The following RPGRIP1L variants were observed in gnomAD, a reference collection of about 807,000 sequenced individuals.
The protein encoded by RPGRIP1L is RPGRIP1 like.
In RPGRIP1L, 131 loss-of-function variants were observed where a neutral mutation model predicts 160.4. The ratio of observed to expected loss-of-function variants is 0.82; its 90% CI spans 0.71 to 0.94. The LOEUF is 0.94. Among genes scored for constraint, RPGRIP1L ranks in the 40% least tolerant of loss-of-function variants. RPGRIP1L has a pLI of 0.00. For synonymous variants in RPGRIP1L, 510 were observed against 515.8 expected (o/e 0.99, Z 0.15); for missense variants, 1,522 against 1,535.8 (o/e 0.99, Z 0.15).
At chr16:53,648,754 C>T (rs867849324) in intron 16 of RPGRIP1L, among the ~76,000 whole-genome samples, 1 of 151,642 alleles carries the variant, frequency 6.6e-6, no homozygotes, top group African/African-American at 2.4e-5. Context: ...TTATGCAAGA[C>T]GTTACAATTA....
At chr16:53,684,198 A>T (rs1969819461) in intron 6 of RPGRIP1L, among the ~76,000 whole-genome samples, 1 of 152,194 alleles carries the variant, frequency 6.6e-6, no homozygotes, top group South Asian at 2.1e-4. Flanking sequence ...TTCCTCAGGG[A>T]TCTAGAACTA....
chr16:53,655,304 A>G (rs1218640157), intron 14 of RPGRIP1L, among the ~76,000 whole-genome samples: 2 of 152,218 alleles, frequency 1.3e-5, no homozygotes, highest in African/African-American at 4.8e-5. Context: ...TTAACACGCA[A>G]TAAGTTTATT....
chr16:53,610,138 CCAGT>C (rs1221567018), intron 25 of RPGRIP1L, among the ~76,000 whole-genome samples: 1 of 152,018 alleles, frequency 6.6e-6, no homozygotes, highest in African/African-American at 2.4e-5. Context: ...ACTGGAGAAA[CCAGT>C]TTGCGGTTAA....
At chr16:53,675,187 T>A (rs1969062222) in intron 6 of RPGRIP1L, 65 bp from the exon 7 acceptor site, 1 of 1,012,250 alleles carries the variant, frequency 9.9e-7, no homozygotes, top group African/African-American at 1.6e-5. Flanking sequence ...AGAAAATCTA[T>A]GGTGGAATCA....
At chr16:53,646,377 A>G (rs1005331276) in intron 16 of RPGRIP1L, among the ~76,000 whole-genome samples, 8 of 152,208 alleles carry the variant, frequency 5.3e-5, no homozygotes, top group Non-Finnish European at 1.2e-4. Flanking sequence ...GCCCACCCAG[A>G]GTAATGATTC....
chr16:53,675,195 T>A, intron 6 of RPGRIP1L, 73 bp from the exon 7 acceptor site: 1 of 901,728 alleles, frequency 1.1e-6, no homozygotes, highest in Non-Finnish European at 1.8e-6. Flanking sequence ...TATGGTGGAA[T>A]CACAATTTTT....
chr16:53,700,321 T>C (rs925135614), intron 2 of RPGRIP1L, among the ~76,000 whole-genome samples: 3 of 152,250 alleles, frequency 2.0e-5, no homozygotes, highest in Non-Finnish European at 4.4e-5. Flanking sequence ...CTGAATGTAA[T>C]TTAAACCAGG....
At chr16:53,677,209 C>G (rs922848059) in intron 6 of RPGRIP1L, among the ~76,000 whole-genome samples, 1 of 152,212 alleles carries the variant, frequency 6.6e-6, no homozygotes, top group South Asian at 2.1e-4. Flanking sequence ...GCATTTTAAA[C>G]TGGTAATGGC....
chr16:53,700,661 G>C lies in RPGRIP1L; in HGVS notation c.63C>G (p.Leu21=), dbSNP rs200723710. The C allele has an allele frequency of 1.2e-6, 2 of 1,613,306 alleles. No homozygotes were observed. The highest frequency in any genetic ancestry group is 2.2e-5 in the East Asian group (1 of 44,872). The stretch of plus-strand genomic sequence containing the variant: ...TACCTTGTAACCCTCCCATTCCAAA[G>C]AGGTTTAGACCTGTATCTTTCACAG... The part of the protein sequence containing the change: ...DLPVKDTGLN[L]FGMGGLQETS... The change falls in exon 2 of 27, where the codon CTC becomes CTG. Residue 21 remains leucine, a synonymous_variant. Coordinates refer to ENST00000647211, the MANE Select transcript of RPGRIP1L (RefSeq NM_015272.5).
intron 6 of RPGRIP1L, among the ~76,000 whole-genome samples, chr16:53,685,163 A>C (rs1969911627): frequency 6.6e-6 from 1 of 152,208 alleles, no homozygotes; most frequent in Non-Finnish European, 1.5e-5. Flanking sequence ...AACCACAATG[A>C]GATACCATCT....
chr16:53,667,017 C>T (rs1454487568), intron 9 of RPGRIP1L, among the ~76,000 whole-genome samples: 2 of 152,178 alleles, frequency 1.3e-5, no homozygotes, highest in Non-Finnish European at 2.9e-5. Context: ...TGGTGAACCA[C>T]ATCTGGCTCC....
chr16:53,665,237 C>T (rs1012806967), intron 9 of RPGRIP1L, among the ~76,000 whole-genome samples: 57 of 152,084 alleles, frequency 3.7e-4, no homozygotes, highest in Non-Finnish European at 7.4e-5. Context: ...TAATTTAGAG[C>T]TCTAAAGTCA....
intron 10 of RPGRIP1L, among the ~76,000 whole-genome samples, chr16:53,660,976 A>G (rs1199552218): frequency 1.3e-5 from 2 of 151,824 alleles, no homozygotes. Flanking sequence ...TAGAGTATAA[A>G]TTGCTTATAT....
intron 19 of RPGRIP1L, among the ~76,000 whole-genome samples, chr16:53,639,646 T>C (rs1383420649): frequency 6.6e-6 from 1 of 152,148 alleles, no homozygotes; most frequent in Non-Finnish European, 1.5e-5. Context: ...ATCCCAGTTC[T>C]AATACTTGGG....
intron 1 of RPGRIP1L, among the ~76,000 whole-genome samples, chr16:53,701,350 T>G (rs185918137): frequency 2.0e-4 from 31 of 152,002 alleles, no homozygotes; most frequent in African/African-American, 7.0e-4. Flanking sequence ...TGTGTTTTTT[T>G]GTGTGTGTGT....
At chr16:53,607,102 T>A (rs1331821312) in intron 25 of RPGRIP1L, among the ~76,000 whole-genome samples, 1 of 151,922 alleles carries the variant, frequency 6.6e-6, no homozygotes, top group East Asian at 1.9e-4. Flanking sequence ...CTCAAATTCC[T>A]GCTTTCCTAC....
At chr16:53,647,523 T>G (rs1966639677) in intron 16 of RPGRIP1L, among the ~76,000 whole-genome samples, 1 of 152,182 alleles carries the variant, frequency 6.6e-6, no homozygotes, top group African/African-American at 2.4e-5. Flanking sequence ...TGTCCAGATA[T>G]GTCTTGCTTT....
At chr16:53,636,542 CA>C (rs1466616486) in intron 21 of RPGRIP1L, 30 bp from the exon 22 acceptor site, 1 of 1,516,148 alleles carries the variant, frequency 6.6e-7, no homozygotes, top group Middle Eastern at 1.7e-4. Context: ...GTAACATTTA[CA>C]CAAGTTAAAC....
chr16:53,696,137 C>A lies in RPGRIP1L; in HGVS notation c.230+14G>T. ...CTGAGTCAAGAAAAAAAGCTAAAAG[C>A]TTTTTATCATAACCTTTTAATTTTA... On this transcript the variant is annotated intron_variant, in intron 3 of 26. Coordinates refer to ENST00000647211, the MANE Select transcript of RPGRIP1L (RefSeq NM_015272.5). The A allele has an allele frequency of 3.7e-6, 6 of 1,612,854 alleles. No homozygotes were observed. Among genetic ancestry groups the A allele is most frequent in the Non-Finnish European group, 4.2e-6 (5 of 1,179,388 alleles).
Sources: allele counts gnomAD v4.1 joint callset (sites outside exome capture counted in the v4.1 genomes callset), GRCh38; gene constraint gnomAD v4.1.1; transcripts MANE v1.5; gene names NCBI Gene and HGNC (gene_info 2026-07-23, HGNC 2026-07-21).